Variants in PLEKHM1 observed in about 807,000 individuals in gnomAD.
PLEKHM1 encodes pleckstrin homology and RUN domain containing M1, also known as pleckstrin homology domain-containing family M member 1.
A neutral mutation model predicts 94.3 loss-of-function variants in PLEKHM1; 28 were observed. The ratio of observed to expected loss-of-function variants is 0.30; its 90% CI spans 0.22 to 0.41. The LOEUF is 0.41. PLEKHM1 is among the 10% of genes least tolerant of loss of function. PLEKHM1 has a pLI of 1.00. For synonymous variants in PLEKHM1, 424 were observed against 581.2 expected (o/e 0.73, Z 3.89); for missense variants, 907 against 1,358.6 (o/e 0.67, Z 5.22).
chr17:45,486,309 G>A (rs1353173020), intron 1 of PLEKHM1, among the ~76,000 whole-genome samples: 5 of 151,044 alleles, frequency 3.3e-5, no homozygotes, highest in South Asian at 2.1e-4. Flanking sequence ...CTGGCTGGGC[G>A]CGGTGGCTCA....
At chr17:45,448,072 C>A (rs1320173172) in intron 8 of PLEKHM1, 1 of 152,252 alleles carries the variant, frequency 6.6e-6, no homozygotes, top group Non-Finnish European at 1.5e-5. Flanking sequence ...GCTGGGATTA[C>A]AGGCATGAGC....
rs751531625 is a variant in PLEKHM1, at chr17:45,439,627, T to C, written c.2909A>G (p.Asp970Gly). 1.2e-6 allele frequency: 2 copies of C among 1,613,972 alleles called. No homozygotes were observed. Among genetic ancestry groups the C allele is most frequent in the Non-Finnish European group, 1.7e-6 (2 of 1,179,958 alleles). ...CTTGAGGAATCCTTCATACACCCCG[T>C]CTGCGATCTGCGGAGGGCAAGTAGG... Reference protein sequence around the residue: ...FSVADLQQIADGVYEGFLKAL... With the variant: ...FSVADLQQIAGGVYEGFLKAL... Residue 970 changes from aspartate to glycine, a missense_variant, in exon 11 of 12, where the codon GAC becomes GGC. Transcript: ENST00000430334.
rs534713409 is a variant in PLEKHM1 at position 45,484,307 on chromosome 17, C to T, written c.-41-1782G>A. ...TTTTCCTGATTTAGAGGAGATTTAA[C>T]TAAGAGTCTGACACCTTAGAGACAT... On this transcript the variant is annotated intron_variant, in intron 1 of 11. Transcript: ENST00000430334. Among the ~76,000 whole-genome samples the T allele has an allele frequency of 2.6e-5, 4 of 152,328 alleles. No individual in the cohort carries two copies. The East Asian group carries it at 5.8e-4, about 22-fold the overall frequency.
At chr17:45,459,773 A>G (rs1222593569) in intron 5 of PLEKHM1, 2 of 118,306 alleles carry the variant, frequency 1.7e-5, no homozygotes, top group African/African-American at 5.7e-5. Flanking sequence ...TCTCCTTGGG[A>G]AATCTATCCA....
chr17:45,475,917 G>A (rs2051715641), intron 3 of PLEKHM1, 191 bp from the exon 4 acceptor site: 2 of 678,172 alleles, frequency 2.9e-6, no homozygotes, highest in Admixed American at 4.3e-5. Flanking sequence ...GGAGGCCAAG[G>A]CAGGTGGATC....
rs758075707 is a variant in PLEKHM1, at chr17:45,475,887, C to T, written c.297-161G>A. 1.3e-3 allele frequency: 1,015 copies of T among 800,378 alleles called. 1 individual carries two copies. Among genetic ancestry groups the T allele is most frequent in the Non-Finnish European group, 1.3e-3 (627 of 471,756 alleles). The allele number at this position is 800,378 out of a possible 1,614,324, so 49.6% of individuals were successfully genotyped here. A position where few individuals can be genotyped will look rare whatever the true frequency, so the allele number is the denominator to read the frequency against. On this transcript the variant is annotated intron_variant, in intron 3 of 11. Coordinates refer to ENST00000430334, the MANE Select transcript of PLEKHM1 (RefSeq NM_014798.3). ...TTTAGGCCAGATGTGGTGGCTCACA[C>T]CTGTAATCCCAGCACTTTGGGAGGC...
intron 6 of PLEKHM1, 45 bp from the exon 7 acceptor site, chr17:45,454,317 C>T (rs781018940): frequency 2.0e-6 from 3 of 1,520,828 alleles, no homozygotes; most frequent in South Asian, 1.2e-5. Flanking sequence ...GCGGGCCTGT[C>T]TCTGTCCTGC....
intron 10 of PLEKHM1, 136 bp downstream of exon 10, chr17:45,440,027 C>A (rs1410880017): frequency 1.2e-6 from 1 of 852,004 alleles, no homozygotes; most frequent in South Asian, 1.4e-5. Context: ...GGCAACCCAC[C>A]CTGAGCTGCA....
intron 6 of PLEKHM1, chr17:45,454,785 C>A (rs1337899387): frequency 1.3e-5 from 3 of 222,810 alleles, no homozygotes; most frequent in Middle Eastern, 1.7e-3. Context: ...CTAATGACCA[C>A]CATATTTCTC....
At chr17:45,458,572 G>C (rs2051049026) in intron 5 of PLEKHM1, 133 bp from the exon 6 acceptor site, 1 of 846,802 alleles carries the variant, frequency 1.2e-6, no homozygotes, top group African/African-American at 1.7e-5. Context: ...CTGGGTTCAA[G>C]CGATTCTCCT....
intron 5 of PLEKHM1, among the ~76,000 whole-genome samples, 192 bp downstream of exon 5, chr17:45,468,017 C>T (rs570394706): frequency 1.6e-4 from 24 of 152,148 alleles, no homozygotes; most frequent in South Asian, 4.1e-4. Context: ...AAGAAACAGC[C>T]GGGCTTATAT....
chr17:45,437,747 C>G lies in PLEKHM1; in HGVS notation c.*111G>C, dbSNP rs774292145. ...TGGCCACATCTGAGGGTCTTCCTGA[C>G]AAGGGGACACAGCTGTGACACGGTG... On this transcript the variant is annotated 3_prime_UTR_variant, in exon 12 of 12. Coordinates refer to ENST00000430334, the MANE Select transcript of PLEKHM1 (RefSeq NM_014798.3). This position sits in a 1 kb window ranked among gnomAD's most constrained non-coding sequence, Gnocchi z 4.0. The G allele has an allele frequency of 3.0e-5, 26 of 874,712 alleles. No homozygotes were observed. Among genetic ancestry groups the G allele is most frequent in the Non-Finnish European group, 5.0e-5 (26 of 521,326 alleles). The allele number at this position is 874,712 out of a possible 1,614,324, so 54.2% of individuals were successfully genotyped here.
intron 4 of PLEKHM1, among the ~76,000 whole-genome samples, chr17:45,472,016 T>C (rs1346201052): frequency 6.6e-6 from 1 of 152,224 alleles, no homozygotes; most frequent in African/African-American, 2.4e-5. Context: ...AAATTTCATT[T>C]TGAATGTTGT....
At chr17:45,465,796 C>G (rs569510521) in intron 5 of PLEKHM1, among the ~76,000 whole-genome samples, 8 of 152,086 alleles carry the variant, frequency 5.3e-5, no homozygotes, top group Admixed American at 3.3e-4. Context: ...TGGGTCAGAG[C>G]TTAGTGAGCA....
rs79149988 is a variant in PLEKHM1, at chr17:45,471,762, T to C, written c.924-3169A>G. The stretch of plus-strand genomic sequence containing the variant: ...CAGAGCGAGACTCCGTTTCAAAAAA[T>C]AAATAAAATATTGAATAAAATAAAA... On this transcript the variant is annotated intron_variant, in intron 4 of 11. Transcript: ENST00000430334. 4.8e-3 allele frequency among the ~76,000 whole-genome samples: 725 copies of C among 152,218 alleles called. 6 individuals carry two copies. Among genetic ancestry groups the C allele is most frequent in the African/African-American group, 0.017 (689 of 41,532 alleles).
In PLEKHM1 at chr17:45,453,772, T is replaced by C. The variant is rs752322789; in HGVS notation, c.2080A>G (p.Met694Val). Residue 694 changes from methionine (M) to valine (V), a missense_variant, in exon 7 of 12, where the codon ATG (methionine) becomes GTG (valine). Physicochemically the swap from Met to Val is conservative, Grantham distance 21. Transcript: ENST00000430334. This position sits in a 1 kb window ranked among gnomAD's most constrained non-coding sequence, Gnocchi z 4.1. ...AIKESLLYLY[M>V]DRTWMPYIFS... ...ATATAGGGCATCCAGGTCCTGTCCATGTACAAGTACAGCAGGGACTCCTTG... is the reference window on the plus strand; with the variant it reads ...ATATAGGGCATCCAGGTCCTGTCCACGTACAAGTACAGCAGGGACTCCTTG... 4.3e-6 allele frequency: 7 copies of C among 1,613,846 alleles called. No individual in the cohort carries two copies. Among genetic ancestry groups the C allele is most frequent in the South Asian group, 2.2e-5 (2 of 91,082 alleles).
intron 3 of PLEKHM1, chr17:45,476,026 C>T (rs2051720211): frequency 2.3e-6 from 1 of 439,894 alleles, no homozygotes; most frequent in African/African-American, 2.0e-5. Flanking sequence ...ACGTGTAGTC[C>T]CAGCTACCCA....
intron 9 of PLEKHM1, among the ~76,000 whole-genome samples, chr17:45,443,738 C>A (rs1489341230): frequency 3.3e-5 from 5 of 152,172 alleles, no homozygotes; most frequent in African/African-American, 1.2e-4. Flanking sequence ...AAGGCCCCAC[C>A]TGACCCCAGA....
chr17:45,457,499 G>C (rs1291160348), intron 6 of PLEKHM1, among the ~76,000 whole-genome samples: 1 of 151,778 alleles, frequency 6.6e-6, no homozygotes, highest in Non-Finnish European at 1.5e-5. Flanking sequence ...GGCGGAGGTT[G>C]TGGTGAGCTG....
Sources: gnomAD v4.1 joint callset for allele counts (sites outside exome capture counted in the v4.1 genomes callset) on GRCh38, gnomAD v4.1.1 for gene constraint, Gnocchi (gnomAD v3.1) non-coding constraint, MANE v1.5 for transcripts, NCBI Gene and HGNC (gene_info 2026-07-23, HGNC 2026-07-21) for gene names.